RNFT2: variants seen among roughly 807,000 people sequenced by gnomAD.
The protein encoded by RNFT2 is ring finger protein, transmembrane 2.
In RNFT2, 36 loss-of-function variants were observed where a neutral mutation model predicts 53.0. That is an observed-to-expected ratio of 0.68 (90% confidence interval 0.52 to 0.90). RNFT2 has a LOEUF of 0.90. Ranked by LOEUF, RNFT2 falls within the 40% of genes least tolerant of loss-of-function variation. RNFT2 has a pLI of 0.00. For missense variants in RNFT2, 514 were observed against 585.6 expected, an observed-to-expected ratio of 0.88 and a Z score of 1.26; for synonymous variants, 260 against 253.2, an observed-to-expected ratio of 1.03 and a Z score of -0.26.
chr12:116,779,423 A>G, intron 7 of RNFT2, 75 bp downstream of exon 7: 1 of 1,510,034 alleles, frequency 6.6e-7, no homozygotes, highest in East Asian at 2.3e-5. Flanking sequence ...CCTTCTGAGG[A>G]GGAAAGAATG....
intron 10 of RNFT2, among the ~76,000 whole-genome samples, chr12:116,846,437 A>ATTTTTTTTTTTTTTTTTTTTTT (rs35922781): frequency 9.6e-6 from 1 of 104,398 alleles, no homozygotes; most frequent in Non-Finnish European, 1.8e-5. Flanking sequence ...TGCCCAGCTA[A>ATTTTTTTTTTTTTTTTTTTTTT]TTTTTTTTTT....
chr12:116,794,587 G>T (rs375421579), intron 7 of RNFT2, among the ~76,000 whole-genome samples: 17 of 146,116 alleles, frequency 1.2e-4, no homozygotes, highest in Middle Eastern at 3.5e-3. Flanking sequence ...GACAGAGTGA[G>T]ACTTTGTCTC....
chr12:116,780,618 C>T (rs562311673), intron 7 of RNFT2, among the ~76,000 whole-genome samples: 3 of 151,206 alleles, frequency 2.0e-5, no homozygotes, highest in Admixed American at 1.3e-4. Context: ...TAGATGAAGC[C>T]GCAGCTCTGG....
intron 7 of RNFT2, among the ~76,000 whole-genome samples, chr12:116,789,821 G>A (rs961975414): frequency 6.7e-6 from 1 of 148,956 alleles, no homozygotes; most frequent in African/African-American, 2.5e-5. Context: ...AAGGAGAGTG[G>A]ATGGGTGGAT....
intron 7 of RNFT2, among the ~76,000 whole-genome samples, chr12:116,794,605 AAAAG>A (rs1392551391): frequency 7.0e-6 from 1 of 142,636 alleles, no homozygotes; most frequent in Non-Finnish European, 1.5e-5. Flanking sequence ...CTCAAAAAAC[AAAAG>A]AAAGGAAAGA....
In RNFT2 at chr12:116,743,241, AAAACCG is replaced by A. The variant is rs1566066773; in HGVS notation, c.83+2148_83+2153del. ...AAAAAAAAAAAAAAAAAAAAAAAAA[AAAACCG>A]GTTAAAAAACACTCATGAGCTAGAA... On this transcript the variant is annotated intron_variant, in intron 3 of 10. Transcript: ENST00000257575. Among the ~76,000 whole-genome samples, 132 of 100,910 alleles carry A rather than the reference AAAACCG, an allele frequency of 1.3e-3. 33 individuals are homozygous for A. The highest frequency in any genetic ancestry group is 5.3e-3 in the African/African-American group (111 of 20,826). 66.2% of individuals were successfully genotyped at this position (100,910 alleles called of 152,430 possible).
At chr12:116,782,698 T>G (rs1450822115) in intron 7 of RNFT2, among the ~76,000 whole-genome samples, 1 of 152,094 alleles carries the variant, frequency 6.6e-6, no homozygotes, top group Non-Finnish European at 1.5e-5. Context: ...ACCCACTGAA[T>G]CTCTACAACA....
At chr12:116,758,817 T>A (rs1298197107) in intron 5 of RNFT2, among the ~76,000 whole-genome samples, 4 of 152,226 alleles carry the variant, frequency 2.6e-5, no homozygotes, top group Non-Finnish European at 4.4e-5. Flanking sequence ...TAACTTTGGA[T>A]AACCTGATGA....
chr12:116,802,552 A>C (rs78389334), intron 7 of RNFT2, among the ~76,000 whole-genome samples: 5,890 of 152,230 alleles, frequency 0.039, 182 homozygotes, highest in African/African-American at 0.075. Context: ...TAGTGTAAAG[A>C]TGGGGGCAGA....
At chr12:116,817,379 G>T (rs1287521284) in intron 7 of RNFT2, among the ~76,000 whole-genome samples, 1 of 151,990 alleles carries the variant, frequency 6.6e-6, no homozygotes, top group Non-Finnish European at 1.5e-5. Context: ...CAAACTCCTG[G>T]CCTCTAGCAA....
At chr12:116,762,488 G>A (rs1484721040) in intron 5 of RNFT2, among the ~76,000 whole-genome samples, 3 of 152,044 alleles carry the variant, frequency 2.0e-5, no homozygotes, top group African/African-American at 7.2e-5. Context: ...TGTAATCCCA[G>A]CAACTCAGGA....
Position 116,849,465 on chromosome 12 carries a change from C to A in RNFT2, c.*17C>A. On this transcript the variant is annotated 3_prime_UTR_variant, in exon 11 of 11. Coordinates refer to ENST00000257575, the MANE Select transcript of RNFT2 (RefSeq NM_001382266.1). ...GTGTACTAGGACCGAACACTGAGGA[C>A]ACCCAGAAGGACGCCAAGGGTCAGC... 6.4e-7 allele frequency: 1 copy of A among 1,573,750 alleles called. No homozygotes were observed. Among genetic ancestry groups the A allele is most frequent in the Non-Finnish European group, 8.6e-7 (1 of 1,158,276 alleles).
At chr12:116,789,345 A>C (rs1874101449) in intron 7 of RNFT2, among the ~76,000 whole-genome samples, 1 of 134,908 alleles carries the variant, frequency 7.4e-6, no homozygotes, top group Non-Finnish European at 1.6e-5. Context: ...ATGGAAAGAG[A>C]GTGGATGGGT....
At chr12:116,835,234 A>G (rs1876899220) in intron 8 of RNFT2, among the ~76,000 whole-genome samples, 1 of 152,216 alleles carries the variant, frequency 6.6e-6, no homozygotes, top group African/African-American at 2.4e-5. Flanking sequence ...CACTCAGGTA[A>G]AGACAACAGA....
intron 6 of RNFT2, among the ~76,000 whole-genome samples, chr12:116,771,488 A>ATATATATATAT (rs1159943371): frequency 7.0e-5 from 7 of 99,918 alleles, no homozygotes; most frequent in Non-Finnish European, 1.2e-4. Flanking sequence ...AAAAAAAAAA[A>ATATATATATAT]AAAAAAATAC....
intron 5 of RNFT2, among the ~76,000 whole-genome samples, chr12:116,756,129 G>T (rs1483277292): frequency 1.3e-5 from 2 of 151,846 alleles, no homozygotes; most frequent in Non-Finnish European, 2.9e-5. Context: ...GATGAGGATT[G>T]CATTGAATTT....
chr12:116,753,788 A>G (rs1872366291), intron 4 of RNFT2, among the ~76,000 whole-genome samples, 196 bp from the exon 5 acceptor site: 1 of 152,184 alleles, frequency 6.6e-6, no homozygotes, highest in African/African-American at 2.4e-5. Flanking sequence ...CCTGTCCCTA[A>G]GTCAGAATGG....
Position 116,852,444 on chromosome 12 carries a change from T to C in RNFT2, c.*2996T>C, listed in dbSNP as rs925946290. The stretch of plus-strand genomic sequence containing the variant: ...GCAAGACGTCTGTTCCAGGGCAGTG[T>C]AGCATCTTTCAAGCTCCGTTACTAT... On this transcript the variant is annotated 3_prime_UTR_variant, in exon 11 of 11. Coordinates refer to ENST00000257575, the MANE Select transcript of RNFT2 (RefSeq NM_001382266.1). 8 of 1,415,584 alleles carry C rather than the reference T, an allele frequency of 5.7e-6. No homozygotes were observed. Among genetic ancestry groups the C allele is most frequent in the Non-Finnish European group, 7.4e-6 (8 of 1,084,168 alleles). The allele number at this position is 1,415,584 out of a possible 1,614,324, so 87.7% of individuals were successfully genotyped here.
chr12:116,750,811 T>C (rs1196748638), intron 4 of RNFT2, among the ~76,000 whole-genome samples: 1 of 5,224 alleles, frequency 1.9e-4, no homozygotes, highest in Admixed American at 4.2e-3. Flanking sequence ...ATATATATAA[T>C]ATATATATTA....
Sources: allele counts gnomAD v4.1 joint callset (sites outside exome capture counted in the v4.1 genomes callset), GRCh38; gene constraint gnomAD v4.1.1; transcripts MANE v1.5; gene names NCBI Gene and HGNC (gene_info 2026-07-23, HGNC 2026-07-21).